DPP4: variants seen among roughly 807,000 people sequenced by gnomAD.
DPP4 encodes the protein dipeptidyl peptidase 4.
A neutral mutation model predicts 122.4 loss-of-function variants in DPP4; 93 were observed. The observed-to-expected ratio is 0.76, with a 90% CI of 0.64 to 0.90. DPP4 has a LOEUF of 0.90. Ranked by LOEUF, DPP4 falls within the 40% of genes least tolerant of loss-of-function variation. The pLI, the probability that DPP4 is intolerant of heterozygous loss-of-function variation, is 0.00. For missense variants in DPP4, 914 were observed against 907.3 expected, an observed-to-expected ratio of 1.01 and a Z score of -0.09; for synonymous variants, 321 against 302.9, an observed-to-expected ratio of 1.06 and a Z score of -0.62.
chr2:162,071,663 T>C (rs769848307), intron 2 of DPP4, among the ~76,000 whole-genome samples: 45 of 152,288 alleles, frequency 3.0e-4, no homozygotes, highest in Admixed American at 7.8e-4. Context: ...AGAGTAGTTA[T>C]ATGGAAACAA....
At chr2:162,037,939 T>C (rs1158463279) in intron 8 of DPP4, among the ~76,000 whole-genome samples, 1 of 152,192 alleles carries the variant, frequency 6.6e-6, no homozygotes, top group Non-Finnish European at 1.5e-5. Context: ...TGGGATTATT[T>C]AGCTTTCCTT....
chr2:162,006,107 G>C (rs1259698489), intron 22 of DPP4, among the ~76,000 whole-genome samples: 1 of 152,092 alleles, frequency 6.6e-6, no homozygotes, highest in African/African-American at 2.4e-5. Flanking sequence ...CTTACGATGG[G>C]GCAAAGGGAG....
At chr2:162,056,290 CT>C (rs1559724561) in intron 2 of DPP4, among the ~76,000 whole-genome samples, 1 of 152,200 alleles carries the variant, frequency 6.6e-6, no homozygotes, top group Non-Finnish European at 1.5e-5. Context: ...ATTCTGTTTA[CT>C]ATTATATTAC....
At chr2:162,027,054 T>A (rs1176380872) in intron 10 of DPP4, among the ~76,000 whole-genome samples, 2 of 152,166 alleles carry the variant, frequency 1.3e-5, no homozygotes, top group Non-Finnish European at 2.9e-5. Context: ...TTCATTAAAC[T>A]TTCATGTATA....
At chr2:162,037,941 GC>G (rs1437651347) in intron 8 of DPP4, among the ~76,000 whole-genome samples, 3 of 152,044 alleles carry the variant, frequency 2.0e-5, no homozygotes, top group Non-Finnish European at 2.9e-5. Flanking sequence ...GGATTATTTA[GC>G]TTTCCTTAGT....
chr2:162,019,904 C>A (rs1484238819), intron 14 of DPP4, among the ~76,000 whole-genome samples: 2 of 152,062 alleles, frequency 1.3e-5, no homozygotes, highest in Non-Finnish European at 2.9e-5. Context: ...CCAAGCCTTC[C>A]AAAAAATCAG....
At chr2:162,039,319 T>G in intron 5 of DPP4, 135 bp from the exon 6 acceptor site, 1 of 807,072 alleles carries the variant, frequency 1.2e-6, no homozygotes, top group Admixed American at 2.8e-5. Flanking sequence ...TATAATTTCC[T>G]CCGAGAATTT....
At chr2:161,996,821 A>C (rs2106069970) in intron 23 of DPP4, among the ~76,000 whole-genome samples, 1 of 152,292 alleles carries the variant, frequency 6.6e-6, no homozygotes, top group Middle Eastern at 3.4e-3. Flanking sequence ...AGAGGAAAAA[A>C]ACCATAATGT....
At chr2:162,007,476 A>G (rs923518905) in intron 22 of DPP4, among the ~76,000 whole-genome samples, 2 of 152,096 alleles carry the variant, frequency 1.3e-5, no homozygotes, top group African/African-American at 2.4e-5. Flanking sequence ...AACACCATTT[A>G]CGTATTCCTT....
At chr2:162,010,515 G>A (rs1035517446) in intron 20 of DPP4, among the ~76,000 whole-genome samples, 3 of 152,126 alleles carry the variant, frequency 2.0e-5, no homozygotes, top group Non-Finnish European at 2.9e-5. Flanking sequence ...GTGTGCCACT[G>A]TATAAACGCA....
chr2:162,020,257 C>G lies in DPP4; in HGVS notation c.1216G>C (p.Gly406Arg). Residue 406 changes from glycine to arginine, a missense_variant, in exon 14 of 26, where the codon GGG becomes CGG. Transcript: ENST00000360534. The stretch of plus-strand genomic sequence containing the variant: ...TAATCACTGGTTAGAGCTTCTATCC[C>G]GATGACTTCCCAGGTGCCTTTTGTA... ...FITKGTWEVI[G>R]IEALTSDYLY... 6.2e-7 allele frequency: 1 copy of G among 1,609,602 alleles called. No individual in the cohort carries two copies. Among genetic ancestry groups the G allele is most frequent in the African/African-American group, 1.4e-5 (1 of 73,654 alleles).
chr2:162,042,877 G>C (rs1245048590), intron 5 of DPP4, among the ~76,000 whole-genome samples: 1 of 152,134 alleles, frequency 6.6e-6, no homozygotes, highest in African/African-American at 2.4e-5. Context: ...ACTAAAATGG[G>C]TTAACGTGAC....
chr2:162,021,790 C>T (rs1424077839), intron 12 of DPP4, among the ~76,000 whole-genome samples: 1 of 152,134 alleles, frequency 6.6e-6, no homozygotes, highest in African/African-American at 2.4e-5. Flanking sequence ...GAGGAAAAAA[C>T]ATATTTTTTT....
chr2:162,046,743 A>C (rs1004560617), intron 4 of DPP4, 172 bp downstream of exon 4: 1 of 674,802 alleles, frequency 1.5e-6, no homozygotes, highest in Non-Finnish European at 2.8e-6. Flanking sequence ...GTCAAAGGAG[A>C]CTAAAAAGTA....
rs764257284 is a variant in DPP4 at position 162,073,429 on chromosome 2, T to G, written c.64A>C (p.Thr22Pro). The G allele has an allele frequency of 3.7e-6, 6 of 1,613,920 alleles. No individual in the cohort carries two copies. The Admixed American group carries it at 1.0e-4, about 27-fold the overall frequency. ...LGAAALVTII[T>P]VPVVLLNKGT... ...TTGTTCAGCAGAACCACGGGCACGG[T>G]GATGATGGTGACAAGCGCAGCAGCA... Residue 22 changes from threonine to proline, a missense_variant, in exon 2 of 26, where the codon ACC (threonine) becomes CCC (proline). Thr to Pro is a conservative substitution (Grantham distance 38). Transcript: ENST00000360534.
At chr2:162,039,547 C>T (rs745739426) in intron 5 of DPP4, among the ~76,000 whole-genome samples, 6 of 151,960 alleles carry the variant, frequency 3.9e-5, no homozygotes, top group African/African-American at 7.2e-5. Context: ...AAGATTTAAA[C>T]GATATATGAT....
intron 5 of DPP4, among the ~76,000 whole-genome samples, chr2:162,042,034 G>A (rs1299279574): frequency 6.6e-6 from 1 of 152,178 alleles, no homozygotes; most frequent in Non-Finnish European, 1.5e-5. Context: ...TGAGGTTAGT[G>A]ACAGAGGGTG....
chr2:162,037,424 T>C (rs1683817803), intron 8 of DPP4, among the ~76,000 whole-genome samples: 1 of 152,204 alleles, frequency 6.6e-6, no homozygotes, highest in African/African-American at 2.4e-5. Context: ...CATGAAAAGT[T>C]ATCTTTCTTT....
Position 162,020,750 on chromosome 2 carries a change from T to A in DPP4, c.1069-62A>T, listed in dbSNP as rs185657717. ...CAGTGTCTCATCTCAGTACCAACTT[T>A]AGTTTTAGAAAGTCCTGTCCAATAC... is the stretch of plus-strand genomic sequence containing the variant. On this transcript the variant is annotated intron_variant, in intron 12 of 25. Transcript: ENST00000360534. 415 of 1,288,992 alleles carry A rather than the reference T, an allele frequency of 3.2e-4. 2 individuals carry two copies. In the African/African-American group the frequency reaches 5.6e-3, roughly 17 times the overall value. The allele number at this position is 1,288,992 out of a possible 1,614,324, so 79.8% of individuals were successfully genotyped here. A position where few individuals can be genotyped will look rare whatever the true frequency, so the allele number is the denominator to read the frequency against.
Sources: allele counts gnomAD v4.1 joint callset (sites outside exome capture counted in the v4.1 genomes callset), GRCh38; gene constraint gnomAD v4.1.1; transcripts MANE v1.5; gene names NCBI Gene and HGNC (gene_info 2026-07-23, HGNC 2026-07-21).